ENTPD5: variants seen among roughly 807,000 people sequenced by gnomAD.
ENTPD5 encodes ectonucleoside triphosphate diphosphohydrolase 5 (inactive).
Under a neutral mutation model 60.2 loss-of-function variants are expected in ENTPD5, and 49 were observed. The ratio of observed to expected loss-of-function variants is 0.81; its 90% CI spans 0.65 to 1.03. ENTPD5 has a LOEUF of 1.03. ENTPD5 is among the 50% of genes least tolerant of loss of function. The probability of loss-of-function intolerance (pLI) is 0.00; values close to 1 mark genes in which losing one functional copy is unlikely to be tolerated. For synonymous variants in ENTPD5, 187 were observed against 185.4 expected (o/e 1.01, Z -0.07); for missense variants, 480 against 507.6 (o/e 0.95, Z 0.52).
intron 13 of ENTPD5, 131 bp downstream of exon 13, chr14:73,972,753 T>G: frequency 9.3e-7 from 1 of 1,079,784 alleles, no homozygotes; most frequent in Non-Finnish European, 1.3e-6. Context: ...TTTCCACCCT[T>G]TTGTTCGAGT....
At chr14:73,961,927 A>G (rs772984916), downstream of ENTPD5, 2 of 1,613,480 alleles carry the variant, frequency 1.2e-6, no homozygotes, top group African/African-American at 2.7e-5. Context: ...CAGAGGAATG[A>G]CTTTGCAAAC....
rs751299763 is a variant in ENTPD5, at chr14:73,966,768, A to T, written c.*160T>A. ...CTCTGGTGCCAGCTGTGTACTCTTG[A>T]GTGGTTAGGCAGCAGTTCACATTAG... On this transcript the variant is annotated 3_prime_UTR_variant, in exon 16 of 16. Transcript: ENST00000334696. 28 of 595,142 alleles carry T rather than the reference A, an allele frequency of 4.7e-5. No individual in the cohort carries two copies. Among genetic ancestry groups the T allele is most frequent in the Non-Finnish European group, 7.4e-5 (25 of 336,114 alleles). The allele number at this position is 595,142 out of a possible 1,614,324, so 36.9% of individuals were successfully genotyped here.
At chr14:73,961,030 G>A, downstream of ENTPD5, 1 of 933,212 alleles carries the variant, frequency 1.1e-6, no homozygotes, top group Non-Finnish European at 1.7e-6. Flanking sequence ...GCACTTGAGG[G>A]GCTTATCACT....
At chr14:73,982,780 G>T (rs960226960) in intron 6 of ENTPD5, among the ~76,000 whole-genome samples, 27 of 152,036 alleles carry the variant, frequency 1.8e-4, no homozygotes, top group African/African-American at 6.0e-4. Context: ...AAAATAAAAA[G>T]AATGAAGAAT....
chr14:74,007,515 C>A (rs2140839782), intron 3 of ENTPD5, among the ~76,000 whole-genome samples: 1 of 151,320 alleles, frequency 6.6e-6, no homozygotes, highest in South Asian at 2.1e-4. Context: ...GAGCAAGACT[C>A]CACCTTGGAA....
Position 73,973,851 on chromosome 14 carries a change from T to C in ENTPD5, c.886+26A>G, listed in dbSNP as rs769439116. ...CAGAGCTTCCATTGTAAACGTAACT[T>C]TAACCAGTGAAAAAACATCACTTGC... On this transcript the variant is annotated intron_variant, in intron 12 of 15. Transcript: ENST00000334696. 5.6e-6 allele frequency: 9 copies of C among 1,595,852 alleles called. No individual in the cohort carries two copies. The East Asian group carries it at 1.8e-4, about 32-fold the overall frequency.
rs760753761 is a variant in ENTPD5 at position 73,963,371 on chromosome 14, T to C, written c.*3557A>G. On this transcript the variant is annotated 3_prime_UTR_variant, in exon 16 of 16. Coordinates refer to ENST00000334696, the MANE Select transcript of ENTPD5 (RefSeq NM_001249.5). Reference sequence around the variant, plus strand: ...ATAAATTTATACAGTTGTTTTTTGATAGAGGTAAGAATTAGACTCGATGCA... The same window carrying C: ...ATAAATTTATACAGTTGTTTTTTGACAGAGGTAAGAATTAGACTCGATGCA... The C allele has an allele frequency of 1.9e-4, 70 of 363,954 alleles. 1 individual carries two copies. Among genetic ancestry groups the C allele is most frequent in the Middle Eastern group, 1.5e-3 (2 of 1,312 alleles). 22.5% of individuals were successfully genotyped at this position (363,954 alleles called of 1,614,324 possible). A position where few individuals can be genotyped will look rare whatever the true frequency, so the allele number is the denominator to read the frequency against.
At chr14:73,999,894 C>T (rs777598995) in intron 3 of ENTPD5, among the ~76,000 whole-genome samples, 2 of 150,286 alleles carry the variant, frequency 1.3e-5, no homozygotes, top group Non-Finnish European at 3.0e-5. Context: ...TCCAGACCAG[C>T]CTGACCAACA....
rs1188898061 is a variant in ENTPD5 at position 73,968,423 on chromosome 14, CTCTT to C, written c.1201-1413_1201-1410del. ...TTTTACCAGTTTTATATTACTGATA[CTCTT>C]TTTTTTTTTTTTTTGAGACGGAGTT... On this transcript the variant is annotated intron_variant, in intron 15 of 15. Coordinates refer to ENST00000334696, the MANE Select transcript of ENTPD5 (RefSeq NM_001249.5). Among the ~76,000 whole-genome samples, 217 of 91,942 alleles carry C rather than the reference CTCTT, an allele frequency of 2.4e-3. 1 individual carries two copies. The highest frequency in any genetic ancestry group is 6.6e-3 in the African/African-American group (190 of 28,608). 60.3% of individuals were successfully genotyped at this position (91,942 alleles called of 152,430 possible).
intron 1 of ENTPD5, among the ~76,000 whole-genome samples, chr14:74,017,985 C>T (rs1184318295): frequency 2.6e-5 from 4 of 151,994 alleles, no homozygotes; most frequent in African/African-American, 7.3e-5. Flanking sequence ...AGTTCGAGAC[C>T]AGCCTGGCCA....
At chr14:73,982,398 T>C (rs1490008105) in intron 6 of ENTPD5, among the ~76,000 whole-genome samples, 1 of 152,108 alleles carries the variant, frequency 6.6e-6, no homozygotes, top group Admixed American at 6.6e-5. Context: ...TTTTATTGTA[T>C]GTAAGTTTAT....
chr14:73,966,016 AATAG>A lies in ENTPD5; in HGVS notation c.*908_*911del, dbSNP rs1385186108. ...AGAGAATAAAAGGGCAAACTGAAAT[AATAG>A]ATCCTGGAATAGCACAGACACTGAC... On this transcript the variant is annotated 3_prime_UTR_variant, in exon 16 of 16. Coordinates refer to ENST00000334696, the MANE Select transcript of ENTPD5 (RefSeq NM_001249.5). 1.3e-5 allele frequency: 2 copies of A among 152,274 alleles called. No individual in the cohort carries two copies. Among genetic ancestry groups the A allele is most frequent in the Admixed American group, 1.3e-4 (2 of 15,282 alleles). The allele number at this position is 152,274 out of a possible 1,614,324, so 9.4% of individuals were successfully genotyped here. A position where few individuals can be genotyped will look rare whatever the true frequency, so the allele number is the denominator to read the frequency against.
Position 73,966,793 on chromosome 14 carries a change from G to A in ENTPD5, c.*135C>T. On this transcript the variant is annotated 3_prime_UTR_variant, in exon 16 of 16. Coordinates refer to ENST00000334696, the MANE Select transcript of ENTPD5 (RefSeq NM_001249.5). ...AGTGGTTAGGCAGCAGTTCACATTA[G>A]ATGTGTAAAATTAATTAAACCTAAA... 3 of 670,240 alleles carry A rather than the reference G, an allele frequency of 4.5e-6. No homozygotes were observed. The South Asian group carries it at 5.5e-5, about 12-fold the overall frequency. The allele number at this position is 670,240 out of a possible 1,614,324, so 41.5% of individuals were successfully genotyped here. A position where few individuals can be genotyped will look rare whatever the true frequency, so the allele number is the denominator to read the frequency against.
At chr14:73,959,070 T>G, downstream of ENTPD5, 1 of 1,614,140 alleles carries the variant, frequency 6.2e-7, no homozygotes, top group Non-Finnish European at 8.5e-7. Context: ...TACTCTGCAT[T>G]TATCAGAGGT....
chr14:73,973,008 C>G lies in ENTPD5; in HGVS notation c.903G>C (p.Glu301Asp), dbSNP rs1381906922. The G allele has an allele frequency of 6.2e-7, 1 of 1,614,186 alleles. No homozygotes were observed. The highest frequency in any genetic ancestry group is 8.5e-7 in the Non-Finnish European group (1 of 1,180,028). Residue 301 changes from glutamate to aspartate, a missense_variant, in exon 13 of 16, where the codon GAG (glutamate) becomes GAC (aspartate). Physicochemically the swap from Glu to Asp is conservative, Grantham distance 45. Transcript: ENST00000334696. The stretch of plus-strand genomic sequence containing the variant: ...CCCTCAGCACTTCGGCATAGCAGGG[C>G]TCAAAGCCCACCTCCCCTGCCAGGC... Reference protein sequence around the residue: ...GGNQEGEVGFEPCYAEVLRVV... With the variant: ...GGNQEGEVGFDPCYAEVLRVV...
downstream of ENTPD5, chr14:73,961,631 C>A: frequency 1.2e-6 from 2 of 1,601,062 alleles, no homozygotes; most frequent in Non-Finnish European, 1.7e-6. Context: ...AAGATCAGGG[C>A]CCACAGTAGC....
In ENTPD5 at chr14:73,964,476, T is replaced by C. The variant is rs1306521436; in HGVS notation, c.*2452A>G. On this transcript the variant is annotated 3_prime_UTR_variant, in exon 16 of 16. Transcript: ENST00000334696. ...AAGTTCGTGGAGTTAGAATGCATCTTCCCTGGAGTTCAGAGGTATTTGGGA... is the reference window on the plus strand; with the variant it reads ...AAGTTCGTGGAGTTAGAATGCATCTCCCCTGGAGTTCAGAGGTATTTGGGA... The C allele has an allele frequency of 6.6e-6, 1 of 152,208 alleles. No individual in the cohort carries two copies. The highest frequency in any genetic ancestry group is 1.5e-5 in the Non-Finnish European group (1 of 68,044). 9.4% of individuals were successfully genotyped at this position (152,208 alleles called of 1,614,324 possible). A position where few individuals can be genotyped will look rare whatever the true frequency, so the allele number is the denominator to read the frequency against.
chr14:74,000,807 T>C (rs185076892), intron 3 of ENTPD5, among the ~76,000 whole-genome samples: 17 of 151,946 alleles, frequency 1.1e-4, no homozygotes, highest in African/African-American at 4.1e-4. Flanking sequence ...TGAAATGACA[T>C]GTAAGCAATC....
chr14:73,997,017 G>A (rs1265724346), intron 3 of ENTPD5, among the ~76,000 whole-genome samples: 1 of 152,146 alleles, frequency 6.6e-6, no homozygotes. Flanking sequence ...TGACAGAAAT[G>A]CACACAAAGT....
Sources: gnomAD v4.1 joint callset for allele counts (sites outside exome capture counted in the v4.1 genomes callset) on GRCh38, gnomAD v4.1.1 for gene constraint, MANE v1.5 for transcripts, NCBI Gene and HGNC (gene_info 2026-07-23, HGNC 2026-07-21) for gene names.